The following HCN1 variants were observed in gnomAD, a reference collection of about 807,000 sequenced individuals.
HCN1 encodes the protein potassium/sodium hyperpolarization-activated cyclic nucleotide-gated channel 1.
A neutral mutation model predicts 78.9 loss-of-function variants in HCN1; 13 were observed. That is an observed-to-expected ratio of 0.16 (90% CI 0.11 to 0.26). HCN1 has a LOEUF of 0.26. Among genes scored for constraint, HCN1 ranks in the 10% least tolerant of loss-of-function variants. The probability of loss-of-function intolerance (pLI) is 1.00; values close to 1 mark genes in which losing one functional copy is unlikely to be tolerated. For missense variants in HCN1, 810 were observed against 1,154.3 expected (o/e 0.70, Z 4.32); for synonymous variants, 552 against 455.5 (o/e 1.21, Z -2.70).
chr5:45,581,320 G>T (rs1218838476), intron 2 of HCN1, among the ~76,000 whole-genome samples: 1 of 150,298 alleles, frequency 6.7e-6, no homozygotes, highest in African/African-American at 2.4e-5. Context: ...GTGTCTTTCG[G>T]CTGAGAAGTG....
intron 3 of HCN1, among the ~76,000 whole-genome samples, chr5:45,424,076 C>T (rs1180903978): frequency 6.8e-6 from 1 of 146,810 alleles, no homozygotes; most frequent in Non-Finnish European, 1.5e-5. Flanking sequence ...GAAATCGAGA[C>T]CATCCTGGCT....
intron 3 of HCN1, among the ~76,000 whole-genome samples, chr5:45,440,586 C>T (rs931778053): frequency 2.0e-5 from 3 of 152,136 alleles, no homozygotes; most frequent in African/African-American, 7.2e-5. Context: ...GTTTTCCTTG[C>T]TAACCCTGAC....
At chr5:45,467,724 C>CT (rs1741302741) in intron 2 of HCN1, among the ~76,000 whole-genome samples, 1 of 152,018 alleles carries the variant, frequency 6.6e-6, no homozygotes, top group African/African-American at 2.4e-5. Flanking sequence ...TCAGTTTCAG[C>CT]TTAAAGTTTT....
At chr5:45,375,131 A>G (rs1259320007) in intron 4 of HCN1, among the ~76,000 whole-genome samples, 9 of 119,784 alleles carry the variant, frequency 7.5e-5, no homozygotes, top group African/African-American at 2.9e-4. Context: ...TATATATAAT[A>G]TATTTTATAA....
chr5:45,406,659 T>C (rs1369625290), intron 3 of HCN1, among the ~76,000 whole-genome samples: 2 of 152,164 alleles, frequency 1.3e-5, no homozygotes, highest in East Asian at 1.9e-4. Flanking sequence ...TTTATATGAA[T>C]AAAATTCATG....
chr5:45,288,770 A>G (rs1475179773), intron 6 of HCN1, among the ~76,000 whole-genome samples: 1 of 152,080 alleles, frequency 6.6e-6, no homozygotes, highest in Non-Finnish European at 1.5e-5. Flanking sequence ...TCCTGGTACC[A>G]TTGCACAGTT....
At chr5:45,533,447 G>A (rs1004409780) in intron 2 of HCN1, among the ~76,000 whole-genome samples, 1 of 152,120 alleles carries the variant, frequency 6.6e-6, no homozygotes, top group African/African-American at 2.4e-5. Flanking sequence ...TTGAATAAAT[G>A]TCATTTCCAG....
intron 1 of HCN1, among the ~76,000 whole-genome samples, chr5:45,673,901 C>T (rs1240334958): frequency 2.0e-5 from 3 of 151,390 alleles, no homozygotes; most frequent in Admixed American, 6.6e-5. Flanking sequence ...TTTCATGAAA[C>T]GTGATTTCAA....
In HCN1 at chr5:45,262,773, C is replaced by T. The variant is rs1744776762; in HGVS notation, c.1821G>A (p.Lys607=). Residue 607 remains lysine (K), a synonymous_variant, in exon 8 of 8, where the codon AAG becomes AAA. Transcript: ENST00000303230. ...KNSILLQKFQ[K]DLNTGVFNNQ... is the part of the protein sequence containing the mutation. ...TGTTGAAAACACCAGTGTTCAGATC[C>T]TTCTGGAACTTTTGCAGAAGAATTG... The T allele has an allele frequency of 1.2e-6, 2 of 1,614,042 alleles. No homozygotes were observed. Among genetic ancestry groups the T allele is most frequent in the Non-Finnish European group, 1.7e-6 (2 of 1,180,010 alleles).
At chr5:45,640,660 C>CACTGA (rs1745436351) in intron 2 of HCN1, among the ~76,000 whole-genome samples, 1 of 151,408 alleles carries the variant, frequency 6.6e-6, no homozygotes. Context: ...CTGCAACCTC[C>CACTGA]ACCTCCCAGG....
In HCN1 at chr5:45,599,107, C is replaced by T. The variant is rs138039138; in HGVS notation, c.849+46078G>A. Among the ~76,000 whole-genome samples the T allele has an allele frequency of 3.1e-3, 468 of 152,200 alleles. 2 individuals carry two copies. Among genetic ancestry groups the T allele is most frequent in the Non-Finnish European group, 5.2e-3 (353 of 68,014 alleles). ...ATAAATCACTATAAAGACACATGCACATGTATGTTTATTGCGGGACTATTC... is the reference window on the plus strand; with the variant it reads ...ATAAATCACTATAAAGACACATGCATATGTATGTTTATTGCGGGACTATTC... On this transcript the variant is annotated intron_variant, in intron 2 of 7. Coordinates refer to ENST00000303230, the MANE Select transcript of HCN1 (RefSeq NM_021072.4).
At chr5:45,300,133 T>C (rs1745580570) in intron 6 of HCN1, among the ~76,000 whole-genome samples, 2 of 152,166 alleles carry the variant, frequency 1.3e-5, no homozygotes, top group South Asian at 2.1e-4. Flanking sequence ...TCACAAAACA[T>C]ATGTCGACTT....
At chr5:45,313,829 A>C (rs1380992967) in intron 5 of HCN1, among the ~76,000 whole-genome samples, 2 of 152,182 alleles carry the variant, frequency 1.3e-5, no homozygotes, top group Non-Finnish European at 2.9e-5. Flanking sequence ...GAAAAGTAAA[A>C]AGAAATGAAC....
intron 2 of HCN1, among the ~76,000 whole-genome samples, chr5:45,499,236 T>A (rs1197051989): frequency 1.3e-5 from 2 of 152,160 alleles, no homozygotes; most frequent in Non-Finnish European, 2.9e-5. Context: ...TCAGCAGGAC[T>A]CCATGCGCAT....
intron 4 of HCN1, among the ~76,000 whole-genome samples, chr5:45,354,853 C>A (rs910700562): frequency 2.0e-5 from 3 of 152,006 alleles, no homozygotes; most frequent in Non-Finnish European, 4.4e-5. Flanking sequence ...TTTCTACTTT[C>A]TTTTCCATGC....
intron 5 of HCN1, among the ~76,000 whole-genome samples, chr5:45,352,642 T>G (rs531752636): frequency 6.6e-6 from 1 of 152,034 alleles, no homozygotes; most frequent in Non-Finnish European, 1.5e-5. Flanking sequence ...AGAAAGATGA[T>G]GCAAAGCAAA....
At chr5:45,510,434 T>G (rs1579940180) in intron 2 of HCN1, among the ~76,000 whole-genome samples, 1 of 152,072 alleles carries the variant, frequency 6.6e-6, no homozygotes, top group African/African-American at 2.4e-5. Context: ...ATTTTCAAAT[T>G]CCCTCCTAGC....
At chr5:45,296,593 C>A (rs1745499347) in intron 6 of HCN1, among the ~76,000 whole-genome samples, 1 of 151,596 alleles carries the variant, frequency 6.6e-6, no homozygotes, top group Admixed American at 6.6e-5. Flanking sequence ...AAGCTCAAAG[C>A]ACAACGACTA....
intron 2 of HCN1, among the ~76,000 whole-genome samples, chr5:45,587,542 C>A (rs1744257971): frequency 7.4e-6 from 1 of 134,432 alleles, no homozygotes; most frequent in Non-Finnish European, 1.6e-5. Context: ...CACACTGGGG[C>A]CTCTTGTGGG....
Sources: allele counts gnomAD v4.1 joint callset (sites outside exome capture counted in the v4.1 genomes callset), GRCh38; gene constraint gnomAD v4.1.1; transcripts MANE v1.5; gene names NCBI Gene and HGNC (gene_info 2026-07-23, HGNC 2026-07-21).